Variants in LMO1 observed in about 807,000 individuals in gnomAD.
LMO1 encodes rhombotin-1.
Under a neutral mutation model 18.0 loss-of-function variants are expected in LMO1, and 10 were observed. The observed-to-expected ratio is 0.55, with a 90% confidence interval of 0.34 to 0.94. LMO1 has a LOEUF of 0.94. Ranked by LOEUF, LMO1 falls within the 40% of genes least tolerant of loss-of-function variation. LMO1 has a pLI of 0.02. For synonymous variants in LMO1, 77 were observed against 77.9 expected, an observed-to-expected ratio of 0.99 and a Z score of 0.06; for missense variants, 183 against 205.7, an observed-to-expected ratio of 0.89 and a Z score of 0.68.
At chr11:8,248,462 C>T (rs939472672) in intron 1 of LMO1, among the ~76,000 whole-genome samples, 2 of 152,226 alleles carry the variant, frequency 1.3e-5, no homozygotes, top group African/African-American at 2.4e-5. Flanking sequence ...CCTGAGTCTA[C>T]AGACAGACCA....
chr11:8,227,374 C>T (rs764181910), intron 2 of LMO1, among the ~76,000 whole-genome samples: 2 of 152,210 alleles, frequency 1.3e-5, no homozygotes, highest in Non-Finnish European at 2.9e-5. Context: ...TCCCAGGCTC[C>T]CACAAGGGTC....
chr11:8,252,632 C>A (rs759753535), intron 1 of LMO1, among the ~76,000 whole-genome samples: 29 of 152,270 alleles, frequency 1.9e-4, no homozygotes, highest in Non-Finnish European at 3.5e-4. Context: ...CAGGCAGCCA[C>A]GTTGGAGAGG....
chr11:8,263,977 G>T, upstream of LMO1: 1 of 620,812 alleles, frequency 1.6e-6, no homozygotes, highest in Non-Finnish European at 2.0e-6. Context: ...GTCCGGCTCC[G>T]CAGCGCCACC....
chr11:8,227,196 T>A, intron 2 of LMO1, 96 bp from the exon 3 acceptor site: 1 of 1,525,288 alleles, frequency 6.6e-7, no homozygotes, highest in Non-Finnish European at 8.8e-7. Flanking sequence ...CTTCCCATAC[T>A]CCAACTTGTG....
At chr11:8,249,104 A>G (rs1846944197) in intron 1 of LMO1, among the ~76,000 whole-genome samples, 1 of 152,200 alleles carries the variant, frequency 6.6e-6, no homozygotes, top group South Asian at 2.1e-4. Context: ...GAGCAGCTCC[A>G]GCCAGGATCT....
intron 3 of LMO1, among the ~76,000 whole-genome samples, chr11:8,225,144 T>C (rs940897652): frequency 2.0e-5 from 3 of 151,462 alleles, no homozygotes; most frequent in Non-Finnish European, 4.4e-5. Flanking sequence ...CCGGGTGTGG[T>C]GGCTCACACC....
intron 1 of LMO1, among the ~76,000 whole-genome samples, chr11:8,245,109 G>A (rs1233225097): frequency 6.6e-6 from 1 of 152,162 alleles, no homozygotes; most frequent in East Asian, 1.9e-4. Flanking sequence ...CTTCCATTTT[G>A]TGGATGGGGA....
At chr11:8,247,558 CTG>C (rs1237170222) in intron 1 of LMO1, among the ~76,000 whole-genome samples, 3 of 152,240 alleles carry the variant, frequency 2.0e-5, no homozygotes, top group South Asian at 2.1e-4. Context: ...CAGGGATAGA[CTG>C]AGAGTAGTCA....
At chr11:8,256,234 G>A (rs1028206189) in intron 1 of LMO1, among the ~76,000 whole-genome samples, 1 of 152,228 alleles carries the variant, frequency 6.6e-6, no homozygotes, top group African/African-American at 2.4e-5. Flanking sequence ...TGTACAGAGA[G>A]CAATGTCAAT....
At position 8,263,606 on chromosome 11, in the gene LMO1, TAGAGAG is replaced by T; in HGVS notation, c.-250_-245del. The stretch of plus-strand genomic sequence containing the variant: ...TTGGAAGGAACTACGAACTGCAATT[TAGAGAG>T]AGAGGGAGAGGGAGAGAGAAGGGGG... On this transcript the variant is annotated 5_prime_UTR_variant, in exon 1 of 4. Transcript: ENST00000335790. The T allele has an allele frequency of 7.3e-7, 1 of 1,360,594 alleles. No homozygotes were observed. Among genetic ancestry groups the T allele is most frequent in the Non-Finnish European group, 9.4e-7 (1 of 1,060,984 alleles). The allele number at this position is 1,360,594 out of a possible 1,614,324, so 84.3% of individuals were successfully genotyped here.
At chr11:8,266,585 C>T (rs1004547363), upstream of LMO1, among the ~76,000 whole-genome samples, 3 of 152,192 alleles carry the variant, frequency 2.0e-5, no homozygotes, top group Admixed American at 2.0e-4. Context: ...ACTATCAATC[C>T]CCAAGGTTAG....
chr11:8,225,404 CA>C (rs34847129), intron 3 of LMO1, among the ~76,000 whole-genome samples: 159 of 34,708 alleles, frequency 4.6e-3, no homozygotes, highest in Non-Finnish European at 6.8e-3. Flanking sequence ...GACTCCATCT[CA>C]AAAAAAAAAA....
At chr11:8,257,737 T>A (rs1847121777) in intron 1 of LMO1, among the ~76,000 whole-genome samples, 1 of 152,314 alleles carries the variant, frequency 6.6e-6, no homozygotes, top group African/African-American at 2.4e-5. Flanking sequence ...CCTGTCTTGG[T>A]GATCTGGACG....
At chr11:8,264,735 G>A (rs527992997), upstream of LMO1, among the ~76,000 whole-genome samples, 500 of 152,164 alleles carry the variant, frequency 3.3e-3, 2 homozygotes, top group South Asian at 1.0e-2. Context: ...AGGTTCCAGC[G>A]AATCTTCTGC....
chr11:8,263,675 C>A lies in LMO1; in HGVS notation c.-313G>T, dbSNP rs1209412666. The stretch of plus-strand genomic sequence containing the variant: ...GAGCCGTTTCTTTGATTCTCACCTT[C>A]TAAATGGCTCAATTTGCCCAGTATA... On this transcript the variant is annotated 5_prime_UTR_variant, in exon 1 of 4. Coordinates refer to ENST00000335790, the MANE Select transcript of LMO1 (RefSeq NM_002315.3). 1.3e-5 allele frequency: 17 copies of A among 1,280,146 alleles called. No homozygotes were observed. Among genetic ancestry groups the A allele is most frequent in the Non-Finnish European group, 1.7e-5 (17 of 1,014,696 alleles). 79.3% of individuals were successfully genotyped at this position (1,280,146 alleles called of 1,614,324 possible).
At chr11:8,255,411 G>A (rs1847074024) in intron 1 of LMO1, among the ~76,000 whole-genome samples, 1 of 152,198 alleles carries the variant, frequency 6.6e-6, no homozygotes, top group Non-Finnish European at 1.5e-5. Context: ...GACTGAAGAG[G>A]GAGGATCACT....
chr11:8,241,812 C>G (rs1565181755), intron 1 of LMO1, among the ~76,000 whole-genome samples: 1 of 151,392 alleles, frequency 6.6e-6, no homozygotes, highest in Non-Finnish European at 1.5e-5. Context: ...AAAAAAAAGT[C>G]TGATTGATTG....
In LMO1 at chr11:8,249,756, T is replaced by TGG. The variant is rs555783072; in HGVS notation, c.25+13580_25+13581dup. ...ACAATGGCCTCTGCAGTCTTGAACTTGGGGTTCCTTGTCCTCTCTCTGAGA... is the reference window on the plus strand; with the variant it reads ...ACAATGGCCTCTGCAGTCTTGAACTTGGGGGGTTCCTTGTCCTCTCTCTGAGA... On this transcript the variant is annotated intron_variant, in intron 1 of 3. Coordinates refer to ENST00000335790, the MANE Select transcript of LMO1 (RefSeq NM_002315.3). 9.2e-3 allele frequency among the ~76,000 whole-genome samples: 1,400 copies of TGG among 152,312 alleles called. 9 individuals carry two copies. The highest frequency in any genetic ancestry group is 0.02 in the South Asian group (98 of 4,830).
At chr11:8,246,542 G>A (rs1172049630) in intron 1 of LMO1, among the ~76,000 whole-genome samples, 1 of 152,202 alleles carries the variant, frequency 6.6e-6, no homozygotes, top group Non-Finnish European at 1.5e-5. Context: ...GAGGAATGGG[G>A]AGTGACTGCT....
Sources: allele counts gnomAD v4.1 joint callset (sites outside exome capture counted in the v4.1 genomes callset), GRCh38; gene constraint gnomAD v4.1.1; transcripts MANE v1.5; gene names NCBI Gene and HGNC (gene_info 2026-07-23, HGNC 2026-07-21).